SPATA6: variants seen among roughly 807,000 people sequenced by gnomAD.
SPATA6 encodes the protein spermatogenesis-associated protein 6.
A neutral mutation model predicts 65.3 loss-of-function variants in SPATA6; 56 were observed. That is an observed-to-expected ratio of 0.86 (90% confidence interval 0.69 to 1.07). The LOEUF is 1.07. Ranked by LOEUF, SPATA6 falls within the 50% of genes least tolerant of loss-of-function variation. The pLI is 0.00. For missense variants in SPATA6, 590 were observed against 594.8 expected, an observed-to-expected ratio of 0.99 and a Z score of 0.08; for synonymous variants, 199 against 213.2, an observed-to-expected ratio of 0.93 and a Z score of 0.58.
intron 3 of SPATA6, among the ~76,000 whole-genome samples, chr1:48,441,072 T>C (rs1472291409): frequency 6.6e-6 from 1 of 152,144 alleles, no homozygotes; most frequent in Non-Finnish European, 1.5e-5. Context: ...AGAAACAAGC[T>C]GCCCACCCTG....
intron 9 of SPATA6, among the ~76,000 whole-genome samples, chr1:48,363,757 T>C (rs1280675115): frequency 8.3e-6 from 1 of 120,598 alleles, no homozygotes; most frequent in East Asian, 2.0e-4. Flanking sequence ...AAAGGAAACT[T>C]CTTTTTTTTC....
chr1:48,349,404 T>C (rs534174933), intron 11 of SPATA6, among the ~76,000 whole-genome samples: 1 of 152,162 alleles, frequency 6.6e-6, no homozygotes, highest in South Asian at 2.1e-4. Flanking sequence ...ATTCCAAAGT[T>C]ATTTAGGTCA....
the SPATA6 span, among the ~76,000 whole-genome samples, chr1:48,264,552 T>C: frequency 6.6e-6 from 1 of 152,248 alleles, no homozygotes; most frequent in South Asian, 2.1e-4. Flanking sequence ...CAGTGTGTGA[T>C]GTCCCCCTCC....
chr1:48,399,066 A>T, intron 7 of SPATA6: 1 of 282,096 alleles, frequency 3.5e-6, no homozygotes. Context: ...ACCAAGTTCA[A>T]TTGGTAGCGT....
At chr1:48,399,198 A>C (rs1650897864) in intron 7 of SPATA6, 153 bp downstream of exon 7, 2 of 912,758 alleles carry the variant, frequency 2.2e-6, no homozygotes, top group Non-Finnish European at 3.2e-6. Flanking sequence ...CTTTCATTCT[A>C]AATTAATTTC....
chr1:48,427,508 G>T (rs974031340), intron 3 of SPATA6, among the ~76,000 whole-genome samples: 1 of 149,822 alleles, frequency 6.7e-6, no homozygotes, highest in Admixed American at 6.7e-5. Context: ...ATACATTATT[G>T]CTGTTTTCTA....
chr1:48,367,279 T>C (rs1647052993), intron 9 of SPATA6, among the ~76,000 whole-genome samples: 2 of 152,196 alleles, frequency 1.3e-5, no homozygotes, highest in African/African-American at 2.4e-5. Flanking sequence ...TCTGTTGATT[T>C]GGGGTGGAGA....
At chr1:48,449,220 C>A (rs893474242) in intron 3 of SPATA6, among the ~76,000 whole-genome samples, 2 of 151,968 alleles carry the variant, frequency 1.3e-5, no homozygotes, top group Non-Finnish European at 2.9e-5. Flanking sequence ...TAATGTGCAA[C>A]CCCTAAGGAA....
At chr1:48,417,606 G>A (rs1048122645) in intron 3 of SPATA6, among the ~76,000 whole-genome samples, 3 of 152,026 alleles carry the variant, frequency 2.0e-5, no homozygotes, top group Non-Finnish European at 2.9e-5. Flanking sequence ...ACAAGGTCAG[G>A]AGTTCGAGTC....
At chr1:48,354,116 G>A (rs1332727589) in intron 11 of SPATA6, among the ~76,000 whole-genome samples, 4 of 152,162 alleles carry the variant, frequency 2.6e-5, no homozygotes, top group South Asian at 2.1e-4. Context: ...ATATTCACTC[G>A]TCACTGGACA....
intron 7 of SPATA6, chr1:48,398,935 G>T (rs1650868211): frequency 6.5e-6 from 1 of 154,628 alleles, no homozygotes; most frequent in Non-Finnish European, 1.4e-5. Context: ...TAATTTAAAA[G>T]GAAACTTACT....
Position 48,472,199 on chromosome 1 carries a change from T to C in SPATA6, c.-191A>G, listed in dbSNP as rs1240519992. ...AGCTGAGCGCGGGGCGCAGACTCGT[T>C]GTCATGGCAGCCAGGAGGGGCGGGG... On this transcript the variant is annotated 5_prime_UTR_variant, in exon 1 of 13. Coordinates refer to ENST00000371847, the MANE Select transcript of SPATA6 (RefSeq NM_019073.4). 3.3e-5 allele frequency: 17 copies of C among 509,582 alleles called. No individual in the cohort carries two copies. Among genetic ancestry groups the C allele is most frequent in the East Asian group, 7.1e-5 (2 of 28,152 alleles). 31.6% of individuals were successfully genotyped at this position (509,582 alleles called of 1,614,324 possible).
chr1:48,300,995 C>T lies in SPATA6; in HGVS notation c.1287-2102G>A, dbSNP rs149090626. Among the ~76,000 whole-genome samples, 98 of 151,996 alleles carry T rather than the reference C, an allele frequency of 6.4e-4. 1 individual carries two copies. The South Asian group carries it at 0.011, about 16-fold the overall frequency. ...AAGATCTGAAACAGGACAAAGATGC[C>T]CACTTTCGCCACTTATATTCAACAT... On this transcript the variant is annotated intron_variant, in intron 12 of 12. Coordinates refer to ENST00000371847, the MANE Select transcript of SPATA6 (RefSeq NM_019073.4).
intron 3 of SPATA6, among the ~76,000 whole-genome samples, chr1:48,441,613 G>A (rs993239112): frequency 6.6e-6 from 1 of 152,052 alleles, no homozygotes; most frequent in African/African-American, 2.4e-5. Context: ...CCAGCCCTAA[G>A]CCTTCCCATA....
rs3767612 is a variant in SPATA6 at position 48,325,236 on chromosome 1, C to T, written c.1195-19358G>A. Reference sequence around the variant, plus strand: ...GGCACAATGGGAGTCAAGTCCACAACAGGGGCAAGGTTTGGATATGGCATA... The same window carrying T: ...GGCACAATGGGAGTCAAGTCCACAATAGGGGCAAGGTTTGGATATGGCATA... On this transcript the variant is annotated intron_variant, in intron 11 of 12. Transcript: ENST00000371847. 5,549 of 766,012 alleles carry T rather than the reference C, an allele frequency of 7.2e-3. 128 individuals are homozygous for T. The highest frequency in any genetic ancestry group is 0.046 in the South Asian group (2,778 of 60,514). 47.5% of individuals were successfully genotyped at this position (766,012 alleles called of 1,614,324 possible). A position where few individuals can be genotyped will look rare whatever the true frequency, so the allele number is the denominator to read the frequency against.
At chr1:48,300,339 G>T (rs1644907757) in intron 12 of SPATA6, among the ~76,000 whole-genome samples, 1 of 151,962 alleles carries the variant, frequency 6.6e-6, no homozygotes, top group African/African-American at 2.4e-5. Flanking sequence ...TTTCTTCCCA[G>T]ATACACACAA....
intron 3 of SPATA6, among the ~76,000 whole-genome samples, chr1:48,451,021 T>A (rs1038985428): frequency 1.3e-5 from 2 of 152,202 alleles, no homozygotes; most frequent in Admixed American, 1.3e-4. Flanking sequence ...TAGTTGTATC[T>A]TTTTATAGTT....
intron 3 of SPATA6, among the ~76,000 whole-genome samples, chr1:48,426,059 C>T (rs985221023): frequency 6.6e-6 from 1 of 151,982 alleles, no homozygotes; most frequent in African/African-American, 2.4e-5. Flanking sequence ...CAGAGTGGGA[C>T]AAGATACTTG....
At chr1:48,315,968 C>T (rs529490302) in intron 11 of SPATA6, among the ~76,000 whole-genome samples, 52 of 152,182 alleles carry the variant, frequency 3.4e-4, no homozygotes, top group African/African-American at 1.1e-3. Context: ...ACTTCGAAAC[C>T]AATTTAAAAG....
Sources: allele counts gnomAD v4.1 joint callset (sites outside exome capture counted in the v4.1 genomes callset), GRCh38; gene constraint gnomAD v4.1.1; transcripts MANE v1.5; gene names NCBI Gene and HGNC (gene_info 2026-07-23, HGNC 2026-07-21).